Variants in MAST4 observed in about 807,000 individuals in gnomAD.
MAST4 encodes the protein microtubule associated serine/threonine kinase family member 4, also known as microtubule-associated serine/threonine-protein kinase 4.
MAST4 carries 89 observed loss-of-function variants against 162.7 expected under a neutral mutation model. The observed-to-expected ratio is 0.55, with a 90% CI of 0.46 to 0.65. MAST4 has a LOEUF of 0.65. Ranked by LOEUF, MAST4 falls within the 30% of genes least tolerant of loss-of-function variation. The pLI, the probability that MAST4 is intolerant of heterozygous loss-of-function variation, is 0.00. For synonymous variants in MAST4, 1,479 were observed against 1,361.1 expected (o/e 1.09, Z -1.91); for missense variants, 3,153 against 3,374.0 (o/e 0.93, Z 1.62).
chr5:67,004,044 T>A (rs545900943), intron 4 of MAST4: 1 of 152,228 alleles, frequency 6.6e-6, no homozygotes. Context: ...CTGCCATCCC[T>A]CCCGCGGTGA....
rs770222325 is a variant in MAST4, at chr5:67,166,434, G to A, written c.7255G>A (p.Gly2419Arg). 5.0e-6 allele frequency: 8 copies of A among 1,604,722 alleles called. No individual in the cohort carries two copies. The highest frequency in any genetic ancestry group is 1.3e-5 in the African/African-American group (1 of 74,860). Residue 2419 changes from glycine to arginine, a missense_variant, in exon 29 of 29, where the codon GGG becomes AGG. Around this residue, in one of 7 missense-constraint regions of MAST4, gnomAD observed 1,644 missense variants for 1,495.0 expected, o/e 1.10. Coordinates refer to ENST00000403625, the MANE Select transcript of MAST4 (RefSeq NM_001164664.2). The stretch of plus-strand genomic sequence containing the variant: ...GGGGAAGGGCTTCCCTGAGGCCAGA[G>A]GGAAAGGGCCCGGTCCCCAGAAGCC... ...GVGKGFPEAR[G>R]KGPGPQKPPT... is the part of the protein sequence containing the mutation.
intron 4 of MAST4, among the ~76,000 whole-genome samples, chr5:66,903,516 G>T (rs1341381497): frequency 1.3e-5 from 2 of 151,502 alleles, no homozygotes; most frequent in African/African-American, 4.8e-5. Flanking sequence ...AAATAAATAT[G>T]ATTTGACAAT....
intron 3 of MAST4, among the ~76,000 whole-genome samples, chr5:66,878,729 A>G (rs1053633054): frequency 5.9e-5 from 9 of 152,206 alleles, no homozygotes; most frequent in Non-Finnish European, 1.0e-4. Context: ...CTTTTGGCCT[A>G]GATACCACTC....
rs1329122771 is a variant in MAST4, at chr5:67,165,024, G to T, written c.5845G>T (p.Asp1949Tyr). The change falls in exon 29 of 29, where the codon GAC (aspartate) becomes TAC (tyrosine). Residue 1949 changes from aspartate (D) to tyrosine (Y), a missense_variant. Asp to Tyr is a radical substitution (Grantham distance 160). Around this residue, in one of 7 missense-constraint regions of MAST4, gnomAD observed 1,644 missense variants for 1,495.0 expected, o/e 1.10. Coordinates refer to ENST00000403625, the MANE Select transcript of MAST4 (RefSeq NM_001164664.2). ...CCTGGGGCAGAACCTCCACAGCCCT[G>T]ACCTGGCCAGGCCACGCTGCCCGCT... Reference protein sequence around the residue: ...TCLGQNLHSPDLARPRCPLPP... With the variant: ...TCLGQNLHSPYLARPRCPLPP... The T allele has an allele frequency of 2.5e-6, 4 of 1,612,662 alleles. No homozygotes were observed. The highest frequency in any genetic ancestry group is 3.4e-6 in the Non-Finnish European group (4 of 1,179,342).
At chr5:66,960,815 A>C (rs1314940052) in intron 4 of MAST4, among the ~76,000 whole-genome samples, 6 of 152,310 alleles carry the variant, frequency 3.9e-5, no homozygotes, top group Non-Finnish European at 7.3e-5. Context: ...ATATGAACTC[A>C]GCTGTGTCAA....
At chr5:66,864,716 G>T (rs934834520) in intron 3 of MAST4, among the ~76,000 whole-genome samples, 2 of 151,318 alleles carry the variant, frequency 1.3e-5, no homozygotes, top group African/African-American at 4.9e-5. Flanking sequence ...GGAGAAGACC[G>T]CCATCTAGAG....
At chr5:66,745,472 G>A (rs748971817) in intron 1 of MAST4, among the ~76,000 whole-genome samples, 24 of 152,116 alleles carry the variant, frequency 1.6e-4, no homozygotes, top group Non-Finnish European at 2.6e-4. Flanking sequence ...TTTAGATACC[G>A]CTAATTATCA....
intron 4 of MAST4, among the ~76,000 whole-genome samples, chr5:67,045,065 A>G (rs915051658): frequency 2.0e-5 from 3 of 152,214 alleles, no homozygotes; most frequent in African/African-American, 7.2e-5. Context: ...CATAAGTTGG[A>G]CTATATGTTT....
chr5:67,027,874 T>G (rs1016601592), intron 4 of MAST4, among the ~76,000 whole-genome samples: 1 of 152,114 alleles, frequency 6.6e-6, no homozygotes, highest in Non-Finnish European at 1.5e-5. Flanking sequence ...TGGAGCTGAG[T>G]GTAGTTGACT....
In MAST4 at chr5:66,620,556, A is replaced by T. The variant is rs1256115079; in HGVS notation, c.363+23538A>T. ...CTTTAGTAAAACAAAACAATATGTG[A>T]CATTTCTGTAGAAATGCTGTAATAG... On this transcript the variant is annotated intron_variant, in intron 1 of 28. Coordinates refer to ENST00000403625, the MANE Select transcript of MAST4 (RefSeq NM_001164664.2). Among the ~76,000 whole-genome samples, 3 of 152,224 alleles carry T rather than the reference A, an allele frequency of 2.0e-5. No homozygotes were observed. The East Asian group carries it at 5.8e-4, about 29-fold the overall frequency.
At chr5:67,020,188 G>T (rs1753802193) in intron 4 of MAST4, among the ~76,000 whole-genome samples, 2 of 152,146 alleles carry the variant, frequency 1.3e-5, no homozygotes, top group South Asian at 4.1e-4. Context: ...ACTATGCCTT[G>T]CTTCCCAGTT....
intron 4 of MAST4, among the ~76,000 whole-genome samples, chr5:66,997,019 G>GT (rs1389111645): frequency 6.6e-6 from 1 of 151,944 alleles, no homozygotes; most frequent in East Asian, 1.9e-4. Context: ...CCCTCATCTT[G>GT]TACCTTTGGC....
At chr5:66,994,554 T>C (rs1750414448) in intron 4 of MAST4, among the ~76,000 whole-genome samples, 1 of 152,216 alleles carries the variant, frequency 6.6e-6, no homozygotes, top group African/African-American at 2.4e-5. Flanking sequence ...CTGGAGTAAC[T>C]TCTCTTTGAA....
chr5:66,924,650 C>A (rs943116678), intron 4 of MAST4, among the ~76,000 whole-genome samples: 1 of 152,110 alleles, frequency 6.6e-6, no homozygotes, highest in East Asian at 1.9e-4. Flanking sequence ...ACCTCTGCCC[C>A]CCAAAGTGGT....
intron 14 of MAST4, among the ~76,000 whole-genome samples, chr5:67,123,390 G>A (rs79079105): frequency 0.051 from 7,836 of 152,280 alleles, 258 homozygotes; most frequent in Admixed American, 0.076. Flanking sequence ...TCTGATCCCT[G>A]ACTGGAAGTT....
chr5:66,862,934 C>T (rs1760224279), intron 3 of MAST4, among the ~76,000 whole-genome samples: 1 of 152,206 alleles, frequency 6.6e-6, no homozygotes, highest in Non-Finnish European at 1.5e-5. Context: ...CCTCAGAGAA[C>T]TCCCTTCTCC....
rs1746645405 is a variant in MAST4 at position 66,657,752 on chromosome 5, A to C, written c.363+60734A>C. 2.6e-5 allele frequency among the ~76,000 whole-genome samples: 4 copies of C among 152,242 alleles called. No individual in the cohort carries two copies. The South Asian group carries it at 6.2e-4, about 24-fold the overall frequency. ...TTGCTGCCTGTCATTTCCTTTATCC[A>C]TGAAGATGACTGGAGAATGTGCCGT... On this transcript the variant is annotated intron_variant, in intron 1 of 28. Coordinates refer to ENST00000403625, the MANE Select transcript of MAST4 (RefSeq NM_001164664.2).
At chr5:66,655,246 T>TA (rs960633297) in intron 1 of MAST4, among the ~76,000 whole-genome samples, 7 of 152,012 alleles carry the variant, frequency 4.6e-5, no homozygotes, top group Middle Eastern at 6.8e-3. Flanking sequence ...CACATTAAAA[T>TA]AAAAAAAATT....
Position 66,614,122 on chromosome 5 carries a change from A to G in MAST4, c.363+17104A>G, listed in dbSNP as rs139039457. Among the ~76,000 whole-genome samples, 584 of 152,356 alleles carry G rather than the reference A, an allele frequency of 3.8e-3. 3 individuals are homozygous for G. Among genetic ancestry groups the G allele is most frequent in the African/African-American group, 0.013 (554 of 41,588 alleles). On this transcript the variant is annotated intron_variant, in intron 1 of 28. Transcript: ENST00000403625. ...GGGCAGTTCAGCTTTTATAATGAAC[A>G]TTAAACTCCCAAAGGAACTTCTCTT...
Sources: allele counts gnomAD v4.1 joint callset (sites outside exome capture counted in the v4.1 genomes callset), GRCh38; gene constraint gnomAD v4.1.1; regional missense constraint gnomAD v4.1.1; transcripts MANE v1.5; gene names NCBI Gene and HGNC (gene_info 2026-07-23, HGNC 2026-07-21).